Variants in TRERF1 observed in about 807,000 individuals in gnomAD.
TRERF1 encodes the protein transcriptional regulating factor 1, also known as transcriptional-regulating factor 1.
Under a neutral mutation model 122.9 loss-of-function variants are expected in TRERF1, and 27 were observed. The ratio of observed to expected loss-of-function variants is 0.22; its 90% CI spans 0.16 to 0.30. The LOEUF (loss-of-function observed/expected upper bound fraction) is 0.30, where lower values mean the gene tolerates loss of function less well. Among genes scored for constraint, TRERF1 ranks in the 10% least tolerant of loss-of-function variants. TRERF1 has a pLI of 1.00. For synonymous variants in TRERF1, 636 were observed against 641.7 expected (o/e 0.99, Z 0.13); for missense variants, 1,248 against 1,560.3 (o/e 0.80, Z 3.37).
chr6:42,395,851 C>T (rs942094944), intron 2 of TRERF1, among the ~76,000 whole-genome samples: 6 of 151,868 alleles, frequency 4.0e-5, no homozygotes, highest in African/African-American at 2.4e-5. Flanking sequence ...GAAGCACGGC[C>T]TTAACAAATG....
intron 13 of TRERF1, among the ~76,000 whole-genome samples, chr6:42,254,287 G>A (rs1776330803): frequency 6.6e-6 from 1 of 152,184 alleles, no homozygotes; most frequent in Non-Finnish European, 1.5e-5. Context: ...CATAGTCACT[G>A]ATGCATCTCA....
chr6:42,249,179 G>GA (rs1775313113), intron 13 of TRERF1, among the ~76,000 whole-genome samples: 1 of 152,150 alleles, frequency 6.6e-6, no homozygotes, highest in Admixed American at 6.5e-5. Flanking sequence ...CTCCGATGGG[G>GA]AATCAGGGGA....
chr6:42,249,131 T>C (rs1208884132), intron 13 of TRERF1, among the ~76,000 whole-genome samples: 1 of 152,224 alleles, frequency 6.6e-6, no homozygotes, highest in Non-Finnish European at 1.5e-5. Flanking sequence ...TCTGCTGCCC[T>C]GCTGCAGGTC....
chr6:42,299,139 T>TCTATCTATCTTTCTAC (rs1561939031), intron 4 of TRERF1, among the ~76,000 whole-genome samples: 1 of 114,058 alleles, frequency 8.8e-6, no homozygotes, highest in Non-Finnish European at 1.8e-5. Context: ...TCTATCTACA[T>TCTATCTATCTTTCTAC]ATATATATAT....
chr6:42,408,309 ACT>A (rs1242788678), intron 2 of TRERF1, among the ~76,000 whole-genome samples: 13 of 134,378 alleles, frequency 9.7e-5, no homozygotes, highest in Admixed American at 2.3e-4. Context: ...ATATATACAT[ACT>A]CATGTGTGTG....
intron 16 of TRERF1, among the ~76,000 whole-genome samples, chr6:42,233,570 C>T (rs921813774): frequency 1.3e-5 from 2 of 152,180 alleles, no homozygotes; most frequent in African/African-American, 2.4e-5. Context: ...CAGGCGTGAG[C>T]CACCACGCCT....
At chr6:42,445,598 A>G (rs1319652725) in intron 2 of TRERF1, among the ~76,000 whole-genome samples, 1 of 151,628 alleles carries the variant, frequency 6.6e-6, no homozygotes, top group Admixed American at 6.6e-5. Context: ...CAACTAAAAT[A>G]TCTTGATTCT....
At chr6:42,446,303 G>A (rs1787505036) in intron 2 of TRERF1, among the ~76,000 whole-genome samples, 1 of 152,178 alleles carries the variant, frequency 6.6e-6, no homozygotes, top group Non-Finnish European at 1.5e-5. Context: ...ATCATCTCAT[G>A]CTGCCCTCCC....
At chr6:42,361,579 G>T (rs1581788016) in intron 3 of TRERF1, among the ~76,000 whole-genome samples, 2 of 152,162 alleles carry the variant, frequency 1.3e-5, no homozygotes, top group African/African-American at 4.8e-5. Flanking sequence ...GTCTGAAAAG[G>T]ACTGGGATCT....
chr6:42,338,177 C>T (rs537019427), intron 3 of TRERF1, among the ~76,000 whole-genome samples: 3 of 152,292 alleles, frequency 2.0e-5, no homozygotes, highest in South Asian at 4.1e-4. Flanking sequence ...CAATACCAAA[C>T]GACCAAAAGC....
At chr6:42,264,805 G>A (rs769246806) in exon 7 of TRERF1, 1 of 1,614,212 alleles carries the variant, frequency 6.2e-7, no homozygotes, top group South Asian at 1.1e-5. Flanking sequence ...GAGCATGTCA[G>A]CTTGTTCTTG....
chr6:42,254,053 C>G (rs1271803482), intron 13 of TRERF1, among the ~76,000 whole-genome samples: 2 of 152,234 alleles, frequency 1.3e-5, no homozygotes, highest in African/African-American at 4.8e-5. Flanking sequence ...TGTCACTGGT[C>G]ACTTCTTAGG....
intron 3 of TRERF1, among the ~76,000 whole-genome samples, chr6:42,320,447 C>T (rs1763230924): frequency 6.6e-6 from 1 of 151,912 alleles, no homozygotes; most frequent in South Asian, 2.1e-4. Flanking sequence ...AATACGTTAA[C>T]TGTATTCATT....
chr6:42,361,429 T>C (rs1771746661), intron 3 of TRERF1, among the ~76,000 whole-genome samples: 1 of 152,180 alleles, frequency 6.6e-6, no homozygotes, highest in Admixed American at 6.5e-5. Flanking sequence ...TTTTTGGGTT[T>C]TTTTGTTTGT....
chr6:42,333,883 A>G (rs1420731305), intron 3 of TRERF1, among the ~76,000 whole-genome samples: 1 of 152,196 alleles, frequency 6.6e-6, no homozygotes, highest in Admixed American at 6.5e-5. Flanking sequence ...CCTTCTGGTC[A>G]TCAAGAAATG....
chr6:42,428,575 AGTCT>A (rs1377274890), intron 2 of TRERF1, among the ~76,000 whole-genome samples: 1 of 152,262 alleles, frequency 6.6e-6, no homozygotes, highest in Admixed American at 6.5e-5. Flanking sequence ...GCACACTGAC[AGTCT>A]GTCAATAATT....
chr6:42,368,755 T>A (rs1025572345), intron 2 of TRERF1, among the ~76,000 whole-genome samples: 2 of 152,202 alleles, frequency 1.3e-5, no homozygotes, highest in African/African-American at 4.8e-5. Context: ...GATGTTTTAC[T>A]ACATTTATGA....
chr6:42,318,139 G>A (rs1471601889), intron 3 of TRERF1, among the ~76,000 whole-genome samples: 7 of 151,526 alleles, frequency 4.6e-5, no homozygotes, highest in African/African-American at 9.7e-5. Context: ...GAGTAACAGG[G>A]CGAGACTCTG....
intron 2 of TRERF1, among the ~76,000 whole-genome samples, chr6:42,380,045 G>A (rs1312179548): frequency 1.3e-5 from 2 of 152,206 alleles, no homozygotes; most frequent in East Asian, 1.9e-4. Context: ...TTTTATCTAC[G>A]ACGGTTGGGG....
Sources: allele counts gnomAD v4.1 joint callset (sites outside exome capture counted in the v4.1 genomes callset), GRCh38; gene constraint gnomAD v4.1.1; transcripts MANE v1.5; gene names NCBI Gene and HGNC (gene_info 2026-07-23, HGNC 2026-07-21).